CEP89: variants seen among roughly 807,000 people sequenced by gnomAD.
CEP89 encodes the protein centrosomal protein of 89 kDa.
Under a neutral mutation model 97.6 loss-of-function variants are expected in CEP89, and 95 were observed. The ratio of observed to expected loss-of-function variants is 0.97; its 90% CI spans 0.82 to 1.15. CEP89 has a LOEUF of 1.15. CEP89 is among the 50% of genes most tolerant of loss of function. The pLI is 0.00. For synonymous variants in CEP89, 354 were observed against 349.1 expected, an observed-to-expected ratio of 1.01 and a Z score of -0.16; for missense variants, 869 against 947.7, an observed-to-expected ratio of 0.92 and a Z score of 1.09.
intron 4 of CEP89, 116 bp downstream of exon 4, chr19:32,953,499 A>G (rs547042449): frequency 1.1e-5 from 9 of 804,584 alleles, no homozygotes; most frequent in East Asian, 7.4e-5. Flanking sequence ...AATAAGCCCC[A>G]AAGCAAATGC....
Position 32,959,061 on chromosome 19 carries a change from CA to C in CEP89, c.305+838del, listed in dbSNP as rs1483963783. Among the ~76,000 whole-genome samples the C allele has an allele frequency of 5.5e-5, 8 of 145,844 alleles. No homozygotes were observed. In the Admixed American group the frequency reaches 5.5e-4, roughly 10 times the overall value. Reference sequence around the variant, plus strand: ...ACAAACAAAACAAAAAAAAAAAAAACAGACAAATGTGATCGTGGATCCCTAC... The same window carrying C: ...ACAAACAAAACAAAAAAAAAAAAAACGACAAATGTGATCGTGGATCCCTAC... On this transcript the variant is annotated intron_variant, in intron 3 of 18. Coordinates refer to ENST00000305768, the MANE Select transcript of CEP89 (RefSeq NM_032816.5).
chr19:32,955,783 AGG>A (rs1971034101), intron 3 of CEP89, among the ~76,000 whole-genome samples: 4 of 151,810 alleles, frequency 2.6e-5, no homozygotes, highest in Non-Finnish European at 5.9e-5. Context: ...AAAAGTGCTG[AGG>A]TTACAGGCGT....
At chr19:32,947,377 A>G (rs186889080) in intron 5 of CEP89, among the ~76,000 whole-genome samples, 1 of 152,176 alleles carries the variant, frequency 6.6e-6, no homozygotes, top group Admixed American at 6.5e-5. Flanking sequence ...TCCTATCCCT[A>G]CCTCTATTGC....
intron 5 of CEP89, 32 bp downstream of exon 5, chr19:32,948,234 A>G: frequency 7.8e-7 from 1 of 1,283,712 alleles, no homozygotes; most frequent in Non-Finnish European, 1.1e-6. Context: ...ATGTTCTTAT[A>G]TTTTATAAAA....
At chr19:32,901,435 G>A in intron 14 of CEP89, 23 bp from the exon 15 acceptor site, 1 of 1,605,978 alleles carries the variant, frequency 6.2e-7, no homozygotes, top group Non-Finnish European at 8.5e-7. Context: ...AACATTACAT[G>A]CTCGTATCCA....
chr19:32,944,018 A>C (rs575429338), intron 5 of CEP89, among the ~76,000 whole-genome samples: 1 of 152,204 alleles, frequency 6.6e-6, no homozygotes, highest in African/African-American at 2.4e-5. Flanking sequence ...GTTTGAGCCC[A>C]GGAGTTCAAG....
chr19:32,950,432 C>T (rs951018637), intron 4 of CEP89, among the ~76,000 whole-genome samples: 4 of 152,116 alleles, frequency 2.6e-5, no homozygotes, highest in African/African-American at 9.7e-5. Context: ...GTGGCACATG[C>T]CTGTAATCCC....
At position 32,948,280 on chromosome 19, in the gene CEP89, C is replaced by T. The variant is rs200677765; in HGVS notation, c.581G>A (p.Arg194Gln). 130 of 1,595,798 alleles carry T rather than the reference C, an allele frequency of 8.1e-5. 1 individual carries two copies. The East Asian group carries it at 2.2e-3, about 27-fold the overall frequency. The change falls in exon 5 of 19, where the codon CGG (arginine) becomes CAG (glutamine). Residue 194 changes from arginine (R) to glutamine (Q), a missense_variant. Physicochemically the swap from Arg to Gln is conservative, Grantham distance 43. Coordinates refer to ENST00000305768, the MANE Select transcript of CEP89 (RefSeq NM_032816.5). ...GFPGSPPAPQ[R>Q]TQQKDGKHPV... is the part of the protein sequence containing the mutation. Reference sequence around the variant, plus strand: ...TTTTTTTCTACCTTTTTGTTGTGTCCGCTGTGGTGCAGGAGGGGAGCCTGG... The same window carrying T: ...TTTTTTTCTACCTTTTTGTTGTGTCTGCTGTGGTGCAGGAGGGGAGCCTGG...
intron 12 of CEP89, among the ~76,000 whole-genome samples, chr19:32,922,543 T>TA (rs1242982187): frequency 4.7e-5 from 7 of 147,906 alleles, no homozygotes; most frequent in Admixed American, 2.7e-4. Context: ...ACCCTAACTC[T>TA]AAAAAAACAT....
At chr19:32,882,087 C>G in intron 17 of CEP89, 74 bp from the exon 18 acceptor site, 1 of 1,288,844 alleles carries the variant, frequency 7.8e-7, no homozygotes, top group Admixed American at 2.0e-5. Flanking sequence ...TGGCTGTGCT[C>G]CCTACCCACT....
intron 14 of CEP89, among the ~76,000 whole-genome samples, chr19:32,903,554 G>C (rs1362402816): frequency 6.6e-6 from 1 of 152,182 alleles, no homozygotes; most frequent in Non-Finnish European, 1.5e-5. Context: ...CTTTCTTACA[G>C]AGATGGGAAA....
intron 16 of CEP89, among the ~76,000 whole-genome samples, chr19:32,899,553 A>G (rs545988529): frequency 6.6e-6 from 1 of 152,326 alleles, no homozygotes; most frequent in South Asian, 2.1e-4. Context: ...CTGGCAATAC[A>G]GCAGATGGTT....
intron 4 of CEP89, 134 bp from the exon 5 acceptor site, chr19:32,948,502 T>C: frequency 3.7e-6 from 2 of 546,454 alleles, no homozygotes; most frequent in Non-Finnish European, 6.5e-6. Context: ...CTTCAGCTGC[T>C]TTCCTCAGTG....
At chr19:32,899,830 A>G (rs1280596302) in intron 16 of CEP89, 27 bp downstream of exon 16, 10 of 1,591,592 alleles carry the variant, frequency 6.3e-6, no homozygotes, top group East Asian at 2.2e-5. Flanking sequence ...CTCGCAGTTT[A>G]CTTGATGTAA....
At chr19:32,912,340 C>A (rs754530586) in intron 14 of CEP89, among the ~76,000 whole-genome samples, 1 of 152,082 alleles carries the variant, frequency 6.6e-6, no homozygotes, top group Non-Finnish European at 1.5e-5. Context: ...TTGTTGATGT[C>A]GTTAACATTT....
intron 3 of CEP89, among the ~76,000 whole-genome samples, chr19:32,955,763 C>T (rs1202906436): frequency 6.6e-6 from 1 of 152,166 alleles, no homozygotes. Flanking sequence ...ATACGCCCGC[C>T]TCAGCCTCAA....
intron 4 of CEP89, among the ~76,000 whole-genome samples, chr19:32,952,161 A>C (rs1289192544): frequency 1.3e-5 from 2 of 152,168 alleles, no homozygotes; most frequent in Non-Finnish European, 2.9e-5. Context: ...AGGATCCCTC[A>C]AAATAAGCTC....
chr19:32,958,296 A>AG (rs1458485885), intron 3 of CEP89, among the ~76,000 whole-genome samples: 1 of 152,202 alleles, frequency 6.6e-6, no homozygotes, highest in Non-Finnish European at 1.5e-5. Context: ...AATAGTAGGA[A>AG]GGGTCTTACT....
chr19:32,923,302 C>T, intron 12 of CEP89, 137 bp downstream of exon 12: 1 of 499,238 alleles, frequency 2.0e-6, no homozygotes, highest in Non-Finnish European at 3.6e-6. Context: ...TTTATTGTAC[C>T]TTATTAATTT....
Sources: gnomAD v4.1 joint callset for allele counts (sites outside exome capture counted in the v4.1 genomes callset) on GRCh38, gnomAD v4.1.1 for gene constraint, MANE v1.5 for transcripts, NCBI Gene and HGNC (gene_info 2026-07-23, HGNC 2026-07-21) for gene names.